The following KIAA1217 variants were observed in gnomAD, a reference collection of about 807,000 sequenced individuals.
KIAA1217 encodes sickle tail protein homolog.
In KIAA1217, 88 loss-of-function variants were observed where a neutral mutation model predicts 163.9. That is an observed-to-expected ratio of 0.54 (90% CI 0.45 to 0.64). KIAA1217 has a LOEUF of 0.64. Among genes scored for constraint, KIAA1217 ranks in the 30% least tolerant of loss-of-function variants. The pLI is 0.00. For missense variants in KIAA1217, 2,372 were observed against 2,475.0 expected (o/e 0.96, Z 0.88); for synonymous variants, 903 against 923.1 (o/e 0.98, Z 0.39).
Position 24,543,048 on chromosome 10 carries a change from C to G in KIAA1217, c.3778C>G (p.Gln1260Glu). ...SLLRDSRNYS[Q>E]ETVPKASFGF... Reference sequence around the variant, plus strand: ...ACTCAGAGACAGTAGAAACTATTCCCAGGAAACTGTGCCTAAGGCCAGTTT... The same window carrying G: ...ACTCAGAGACAGTAGAAACTATTCCGAGGAAACTGTGCCTAAGGCCAGTTT... The change falls in exon 19 of 21, where the codon CAG becomes GAG. Residue 1260 changes from glutamine (Q) to glutamate (E), a missense_variant. Physicochemically the swap from Gln to Glu is conservative, Grantham distance 29. This residue lies in a region of KIAA1217 where 251 missense variants were observed against 327.3 expected (regional missense o/e 0.77). Coordinates refer to ENST00000376454, the MANE Select transcript of KIAA1217 (RefSeq NM_019590.5). 1 of 1,613,440 alleles carries G rather than the reference C, an allele frequency of 6.2e-7. No homozygotes were observed. Among genetic ancestry groups the G allele is most frequent in the Non-Finnish European group, 8.5e-7 (1 of 1,179,862 alleles).
At chr10:23,881,874 A>C (rs962779369) in intron 1 of KIAA1217, among the ~76,000 whole-genome samples, 1 of 151,770 alleles carries the variant, frequency 6.6e-6, no homozygotes, top group Non-Finnish European at 1.5e-5. Context: ...ACTTCCCATC[A>C]ACTCCATCTT....
intron 17 of KIAA1217, among the ~76,000 whole-genome samples, chr10:24,542,144 T>A (rs1433369634): frequency 1.3e-5 from 2 of 152,192 alleles, no homozygotes; most frequent in Non-Finnish European, 2.9e-5. Flanking sequence ...CTTTATAGGA[T>A]AATCTCCATA....
chr10:23,872,188 A>C (rs1014665540), intron 1 of KIAA1217, among the ~76,000 whole-genome samples: 26 of 152,058 alleles, frequency 1.7e-4, no homozygotes, highest in African/African-American at 6.3e-4. Flanking sequence ...AAGACAAGAC[A>C]AGTATAGAAA....
At chr10:23,900,305 C>G (rs773821920) in intron 1 of KIAA1217, among the ~76,000 whole-genome samples, 2 of 152,044 alleles carry the variant, frequency 1.3e-5, no homozygotes, top group African/African-American at 4.8e-5. Context: ...CACACCCAGC[C>G]CCTTCCTTTC....
Position 23,698,256 on chromosome 10 carries a change from T to C in KIAA1217, c.-321+3022T>C, listed in dbSNP as rs78628347. 2.8e-3 allele frequency among the ~76,000 whole-genome samples: 433 copies of C among 152,360 alleles called. 1 individual carries two copies. Among genetic ancestry groups the C allele is most frequent in the African/African-American group, 1.0e-2 (415 of 41,584 alleles). ...GAAAAAAATAGTATATTTTCCATTA[T>C]TGAGTATCTTGCAGATATTTAAGAC... On this transcript the variant is annotated intron_variant, in intron 1 of 18. Coordinates refer to the KIAA1217 transcript ENST00000376462.
chr10:23,815,591 C>T (rs1837279124), intron 1 of KIAA1217, among the ~76,000 whole-genome samples: 1 of 152,178 alleles, frequency 6.6e-6, no homozygotes, highest in Non-Finnish European at 1.5e-5. Flanking sequence ...TTGCAGTGAG[C>T]TGAGATCAGG....
intron 2 of KIAA1217, among the ~76,000 whole-genome samples, chr10:24,096,389 C>T (rs996608640): frequency 6.6e-6 from 1 of 152,168 alleles, no homozygotes; most frequent in African/African-American, 2.4e-5. Context: ...CTCTTATCTG[C>T]ACTCCTCCTC....
intron 2 of KIAA1217, among the ~76,000 whole-genome samples, chr10:24,199,141 G>A (rs892839740): frequency 2.6e-5 from 4 of 152,208 alleles, no homozygotes; most frequent in African/African-American, 9.6e-5. Context: ...AGGACCACTT[G>A]AGCCCAGGAG....
At chr10:23,930,895 T>G (rs1295495987) in intron 1 of KIAA1217, among the ~76,000 whole-genome samples, 1 of 152,182 alleles carries the variant, frequency 6.6e-6, no homozygotes, top group East Asian at 1.9e-4. Flanking sequence ...CTGTCCTTCC[T>G]CACGTGTGCC....
At chr10:24,476,237 A>G (rs140383857) in intron 6 of KIAA1217, among the ~76,000 whole-genome samples, 116 of 152,340 alleles carry the variant, frequency 7.6e-4, no homozygotes, top group Admixed American at 1.4e-3. Flanking sequence ...ATTACCACGC[A>G]CACACAACTT....
intron 1 of KIAA1217, among the ~76,000 whole-genome samples, chr10:23,745,745 G>C (rs1839373837): frequency 6.6e-6 from 1 of 152,178 alleles, no homozygotes; most frequent in Non-Finnish European, 1.5e-5. Context: ...AAGTACTCCT[G>C]GAGCCCATGG....
intron 2 of KIAA1217, among the ~76,000 whole-genome samples, chr10:24,324,909 G>C (rs993482474): frequency 5.3e-5 from 8 of 152,104 alleles, no homozygotes; most frequent in Non-Finnish European, 7.3e-5. Context: ...GCGACTGACT[G>C]TTTAGAAAAG....
chr10:24,016,443 T>C (rs2131502257), intron 2 of KIAA1217, among the ~76,000 whole-genome samples: 1 of 152,164 alleles, frequency 6.6e-6, no homozygotes, highest in African/African-American at 2.4e-5. Context: ...AACAGGAAAA[T>C]CTACCCTGCA....
intron 2 of KIAA1217, chr10:24,255,156 G>C (rs2075009231): frequency 5.9e-6 from 1 of 168,180 alleles, no homozygotes; most frequent in Non-Finnish European, 1.3e-5. Context: ...CACCCGGCCT[G>C]TAATTTTCTT....
intron 3 of KIAA1217, among the ~76,000 whole-genome samples, chr10:24,391,333 CTTT>C (rs768727392): frequency 3.3e-5 from 1 of 29,890 alleles, no homozygotes; most frequent in Non-Finnish European, 5.2e-5. Flanking sequence ...TTCTTTCTTT[CTTT>C]TTTTTTTTTT....
At chr10:23,856,985 T>G (rs1588960438) in intron 1 of KIAA1217, among the ~76,000 whole-genome samples, 1 of 152,350 alleles carries the variant, frequency 6.6e-6, no homozygotes, top group East Asian at 1.9e-4. Flanking sequence ...TGCCTCGCCC[T>G]GCTTTGGCTC....
intron 9 of KIAA1217, among the ~76,000 whole-genome samples, chr10:24,504,805 G>T (rs1038157062): frequency 6.6e-6 from 1 of 152,168 alleles, no homozygotes; most frequent in Non-Finnish European, 1.5e-5. Flanking sequence ...AAAACTGATG[G>T]ATTATTCTCA....
At chr10:23,747,939 G>A in intron 1 of KIAA1217, among the ~76,000 whole-genome samples, 1 of 152,172 alleles carries the variant, frequency 6.6e-6, no homozygotes, top group East Asian at 1.9e-4. Context: ...ATCCCCAGGA[G>A]TGACTGTTGT....
intron 1 of KIAA1217, among the ~76,000 whole-genome samples, chr10:23,864,072 GTTATTA>G (rs148144520): frequency 0.024 from 3,512 of 149,188 alleles, 126 homozygotes; most frequent in African/African-American, 0.076. Context: ...TTGTAAAGTA[GTTATTA>G]TTATTATTAT....
Sources: gnomAD v4.1 joint callset for allele counts (sites outside exome capture counted in the v4.1 genomes callset) on GRCh38, gnomAD v4.1.1 for gene constraint, gnomAD v4.1.1 regional missense constraint, MANE v1.5 for transcripts, NCBI Gene and HGNC (gene_info 2026-07-23, HGNC 2026-07-21) for gene names.